Variants in STXBP4 observed in about 807,000 individuals in gnomAD.
STXBP4 encodes syntaxin binding protein 4.
A neutral mutation model predicts 76.1 loss-of-function variants in STXBP4; 55 were observed. That is an observed-to-expected ratio of 0.72 (90% CI 0.58 to 0.91). STXBP4 has a LOEUF of 0.91. Among genes scored for constraint, STXBP4 ranks in the 40% least tolerant of loss-of-function variants. STXBP4 has a pLI of 0.00. For missense variants in STXBP4, 618 were observed against 636.9 expected, an observed-to-expected ratio of 0.97 and a Z score of 0.32; for synonymous variants, 201 against 220.2, an observed-to-expected ratio of 0.91 and a Z score of 0.77.
chr17:55,197,223 C>T, the STXBP4 span, among the ~76,000 whole-genome samples: 1 of 152,224 alleles, frequency 6.6e-6, no homozygotes, highest in Non-Finnish European at 1.5e-5. Flanking sequence ...AGATGGAGAA[C>T]TGTTGTGTGG....
the STXBP4 span, among the ~76,000 whole-genome samples, chr17:55,211,799 G>GTTT: frequency 6.4e-3 from 311 of 48,972 alleles, 31 homozygotes; most frequent in African/African-American, 7.2e-3. Flanking sequence ...GTTTTTTGTT[G>GTTT]TTTTTTTTTT....
intron 13 of STXBP4, 95 bp from the exon 14 acceptor site, chr17:55,077,983 T>C: frequency 2.8e-6 from 2 of 724,668 alleles, no homozygotes; most frequent in Non-Finnish European, 4.6e-6. Context: ...GATAATTTGG[T>C]AATATTGAAT....
chr17:54,997,207 G>A (rs1185388955), intron 4 of STXBP4, among the ~76,000 whole-genome samples: 1 of 152,068 alleles, frequency 6.6e-6, no homozygotes, highest in Non-Finnish European at 1.5e-5. Flanking sequence ...TTTTAAACAG[G>A]TTCAGAAATT....
chr17:55,211,964 C>A, the STXBP4 span, among the ~76,000 whole-genome samples: 1 of 150,782 alleles, frequency 6.6e-6, no homozygotes, highest in African/African-American at 2.4e-5. Context: ...GCACATGCCA[C>A]CATGCCCAGC....
At position 55,153,631 on chromosome 17, in the gene STXBP4, G is replaced by A. The variant is rs377147611; in HGVS notation, c.1548-6166G>A. On this transcript the variant is annotated intron_variant, in intron 17 of 17. Transcript: ENST00000376352. ...AATTAAGAAGAATGTTTAGTCAGAT[G>A]TTTATTAAACTTCTTTTGTTGATTA... Among the ~76,000 whole-genome samples the A allele has an allele frequency of 1.4e-4, 22 of 152,240 alleles. 1 individual carries two copies. In the South Asian group the frequency reaches 4.6e-3, roughly 32 times the overall value.
intron 7 of STXBP4, among the ~76,000 whole-genome samples, chr17:55,006,939 T>C (rs1170486729): frequency 6.6e-6 from 1 of 152,230 alleles, no homozygotes; most frequent in East Asian, 1.9e-4. Context: ...TATGTTTGTC[T>C]TTTAAGTTAA....
downstream of STXBP4, among the ~76,000 whole-genome samples, chr17:55,173,860 C>T (rs546348634): frequency 7.2e-5 from 11 of 152,218 alleles, no homozygotes; most frequent in East Asian, 3.9e-4. Flanking sequence ...TTCTGGTGGC[C>T]GTCAGAGAGA....
intron 8 of STXBP4, among the ~76,000 whole-genome samples, chr17:55,023,566 A>G (rs2078352946): frequency 6.6e-6 from 1 of 152,204 alleles, no homozygotes; most frequent in African/African-American, 2.4e-5. Flanking sequence ...TTGGCACTCA[A>G]AAAGTTTTGG....
intron 6 of STXBP4, 49 bp downstream of exon 6, chr17:54,999,891 C>G: frequency 8.0e-7 from 1 of 1,251,314 alleles, no homozygotes; most frequent in Non-Finnish European, 1.1e-6. Context: ...CCATAAATTC[C>G]CTATACATTT....
the STXBP4 span, among the ~76,000 whole-genome samples, chr17:55,181,186 T>TA: frequency 6.6e-6 from 1 of 152,240 alleles, no homozygotes; most frequent in African/African-American, 2.4e-5. Context: ...TTTGCAGACT[T>TA]ATCTAGTTTT....
downstream of STXBP4, among the ~76,000 whole-genome samples, chr17:55,174,112 T>G (rs115354262): frequency 0.012 from 1,793 of 152,352 alleles, 31 homozygotes; most frequent in African/African-American, 0.04. Flanking sequence ...AAATTCAGGA[T>G]AATTTCACCA....
At chr17:55,182,436 C>T in the STXBP4 span, among the ~76,000 whole-genome samples, 1 of 151,942 alleles carries the variant, frequency 6.6e-6, no homozygotes, top group Non-Finnish European at 1.5e-5. Flanking sequence ...ACAGAAGAGA[C>T]TAAAGGGCAT....
At chr17:55,147,896 A>G (rs1157497761) in intron 17 of STXBP4, among the ~76,000 whole-genome samples, 3 of 152,168 alleles carry the variant, frequency 2.0e-5, no homozygotes, top group Non-Finnish European at 4.4e-5. Flanking sequence ...ATGGGTTTAG[A>G]GGGAGAAGTG....
the STXBP4 span, among the ~76,000 whole-genome samples, chr17:55,211,167 A>G: frequency 6.6e-6 from 1 of 152,148 alleles, no homozygotes; most frequent in African/African-American, 2.4e-5. Context: ...CTCCACCCGC[A>G]CCAGCCTTGA....
chr17:54,992,414 CAAA>C (rs769344668), intron 4 of STXBP4, among the ~76,000 whole-genome samples: 2 of 94,332 alleles, frequency 2.1e-5, no homozygotes. Context: ...GACCCTGTCT[CAAA>C]AAAAAAAAAA....
intron 17 of STXBP4, among the ~76,000 whole-genome samples, chr17:55,145,628 G>C (rs529983639): frequency 6.6e-6 from 1 of 152,278 alleles, no homozygotes; most frequent in South Asian, 2.1e-4. Flanking sequence ...TGATGCAAGA[G>C]AAGAAAGCAT....
chr17:55,151,609 T>A (rs751854759), intron 17 of STXBP4, among the ~76,000 whole-genome samples: 6 of 152,180 alleles, frequency 3.9e-5, no homozygotes, highest in Admixed American at 2.0e-4. Flanking sequence ...TGGCTTTGGC[T>A]GCATTCTCAT....
At chr17:54,982,605 T>TGA (rs2077566118) in intron 1 of STXBP4, among the ~76,000 whole-genome samples, 1 of 150,592 alleles carries the variant, frequency 6.6e-6, no homozygotes, top group African/African-American at 2.5e-5. Flanking sequence ...TGTGTGTGTG[T>TGA]GTGTGTGTGT....
intron 10 of STXBP4, among the ~76,000 whole-genome samples, chr17:55,040,776 C>G (rs1306009943): frequency 6.6e-6 from 1 of 152,102 alleles, no homozygotes; most frequent in Non-Finnish European, 1.5e-5. Flanking sequence ...ATTGCGAGAA[C>G]CAGACAGGAA....
Sources: allele counts gnomAD v4.1 joint callset (sites outside exome capture counted in the v4.1 genomes callset), GRCh38; gene constraint gnomAD v4.1.1; transcripts MANE v1.5; gene names NCBI Gene and HGNC (gene_info 2026-07-23, HGNC 2026-07-21).